Variants in NFATC3 observed in about 807,000 individuals in gnomAD.
The protein encoded by NFATC3 is nuclear factor of activated T-cells, cytoplasmic 3.
In NFATC3, 46 loss-of-function variants were observed where a neutral mutation model predicts 98.6. The ratio of observed to expected loss-of-function variants is 0.47; its 90% confidence interval spans 0.37 to 0.60. The LOEUF (loss-of-function observed/expected upper bound fraction) is 0.60. Among genes scored for constraint, NFATC3 ranks in the 20% least tolerant of loss-of-function variants. The pLI, the probability that NFATC3 is intolerant of heterozygous loss-of-function variation, is 0.00. For missense variants in NFATC3, 1,256 were observed against 1,295.5 expected, an observed-to-expected ratio of 0.97 and a Z score of 0.47; for synonymous variants, 512 against 472.2, an observed-to-expected ratio of 1.08 and a Z score of -1.09.
intron 1 of NFATC3, among the ~76,000 whole-genome samples, chr16:68,113,342 C>T (rs746411324): frequency 6.6e-6 from 1 of 152,154 alleles, no homozygotes; most frequent in East Asian, 1.9e-4. Flanking sequence ...GGCCCCTCTT[C>T]CATAGGGTAG....
intron 9 of NFATC3, among the ~76,000 whole-genome samples, chr16:68,198,058 G>A (rs142682141): frequency 5.6e-4 from 85 of 152,224 alleles, no homozygotes; most frequent in East Asian, 2.7e-3. Context: ...GGTGGCTCAC[G>A]CTTGTAGTCC....
intron 9 of NFATC3, chr16:68,214,471 A>G (rs370297399): frequency 1.3e-6 from 2 of 1,576,292 alleles, no homozygotes; most frequent in African/African-American, 2.7e-5. Context: ...TTTTGTGCCC[A>G]AGTCTGGTAT....
In NFATC3 at chr16:68,228,168, T is replaced by G. The variant is rs1264828903; in HGVS notation, c.*1697T>G. On this transcript the variant is annotated 3_prime_UTR_variant, in exon 10 of 10. Transcript: ENST00000346183. ...CAAAATATATTTTAGATTTCTCCCCTAAAGTTAGTTAGAGAAAAAGGTCTA... is the reference window on the plus strand; with the variant it reads ...CAAAATATATTTTAGATTTCTCCCCGAAAGTTAGTTAGAGAAAAAGGTCTA... 1 of 152,212 alleles carries G rather than the reference T, an allele frequency of 6.6e-6. No homozygotes were observed. Among genetic ancestry groups the G allele is most frequent in the Non-Finnish European group, 1.5e-5 (1 of 68,036 alleles). The allele number at this position is 152,212 out of a possible 1,614,324, so 9.4% of individuals were successfully genotyped here.
intron 9 of NFATC3, among the ~76,000 whole-genome samples, chr16:68,203,940 C>T (rs2041033373): frequency 1.3e-5 from 2 of 152,104 alleles, no homozygotes; most frequent in Admixed American, 1.3e-4. Flanking sequence ...GCAATCCCAG[C>T]ACTTTGGGAG....
rs2042074646 is a variant in NFATC3 at position 68,228,297 on chromosome 16, G to A, written c.*1826G>A. ...TGTGGATAGTGAGATTTGCTTCTGG[G>A]CCTGTGGTTGGACGCCCACAGCTTC... On this transcript the variant is annotated 3_prime_UTR_variant, in exon 10 of 10. Coordinates refer to ENST00000346183, the MANE Select transcript of NFATC3 (RefSeq NM_173165.3). 1 of 152,174 alleles carries A rather than the reference G, an allele frequency of 6.6e-6. No homozygotes were observed. Among genetic ancestry groups the A allele is most frequent in the African/African-American group, 2.4e-5 (1 of 41,428 alleles). The allele number at this position is 152,174 out of a possible 1,614,324, so 9.4% of individuals were successfully genotyped here.
intron 9 of NFATC3, among the ~76,000 whole-genome samples, chr16:68,220,483 A>T (rs1450290965): frequency 6.6e-6 from 1 of 151,990 alleles, no homozygotes; most frequent in East Asian, 1.9e-4. Context: ...GGGAAGAAAA[A>T]TGATAAAATT....
chr16:68,183,391 T>C, intron 8 of NFATC3, 25 bp downstream of exon 8: 1 of 1,605,686 alleles, frequency 6.2e-7, no homozygotes, highest in East Asian at 2.2e-5. Context: ...GATGGTTTAC[T>C]ATAGAGCTTT....
chr16:68,088,239 TC>T (rs2034494709), intron 1 of NFATC3, among the ~76,000 whole-genome samples: 2 of 151,092 alleles, frequency 1.3e-5, no homozygotes, highest in South Asian at 4.1e-4. Context: ...GAATGGAAGT[TC>T]CTTGAGGTCG....
In NFATC3 at chr16:68,170,645, A is replaced by ACC. The variant is rs377072350; in HGVS notation, c.1774+3631_1774+3632dup. On this transcript the variant is annotated intron_variant, in intron 5 of 9. Coordinates refer to ENST00000346183, the MANE Select transcript of NFATC3 (RefSeq NM_173165.3). ...GTAGCTGGGATTACAGGTGCCCACC[A>ACC]CCACACACAGCTGATTTTTGTATTT... Among the ~76,000 whole-genome samples, 391 of 151,832 alleles carry ACC rather than the reference A, an allele frequency of 2.6e-3. 3 individuals carry two copies. Among genetic ancestry groups the ACC allele is most frequent in the African/African-American group, 9.0e-3 (372 of 41,456 alleles).
chr16:68,149,604 A>G (rs72790393), intron 3 of NFATC3, among the ~76,000 whole-genome samples: 110 of 152,370 alleles, frequency 7.2e-4, no homozygotes, highest in Non-Finnish European at 1.1e-3. Context: ...ACATTAGGAA[A>G]TAGCAGTATT....
At chr16:68,157,780 T>TA in intron 3 of NFATC3, 89 bp from the exon 4 acceptor site, 1 of 1,003,608 alleles carries the variant, frequency 1.0e-6, no homozygotes, top group Non-Finnish European at 1.5e-6. Context: ...TAGTATATGA[T>TA]AGAGATATAA....
chr16:68,177,141 G>C (rs1598512916), intron 6 of NFATC3, among the ~76,000 whole-genome samples: 1 of 150,302 alleles, frequency 6.7e-6, no homozygotes, highest in South Asian at 2.1e-4. Flanking sequence ...TCTGCCTCCC[G>C]GGTTCAAGTG....
intron 8 of NFATC3, 35 bp from the exon 9 acceptor site, chr16:68,190,733 T>C: frequency 6.4e-7 from 1 of 1,557,430 alleles, no homozygotes; most frequent in Non-Finnish European, 8.7e-7. Context: ...TTATGTATTG[T>C]ATAATAATAT....
At chr16:68,108,887 G>C (rs2035802659) in intron 1 of NFATC3, among the ~76,000 whole-genome samples, 1 of 152,042 alleles carries the variant, frequency 6.6e-6, no homozygotes, top group African/African-American at 2.4e-5. Flanking sequence ...GTCTCTTGTT[G>C]GCGTAAAGGA....
intron 3 of NFATC3, among the ~76,000 whole-genome samples, chr16:68,148,905 A>G (rs900589315): frequency 6.6e-6 from 1 of 152,170 alleles, no homozygotes; most frequent in Non-Finnish European, 1.5e-5. Context: ...GCTACTCAGG[A>G]GGCTGAGGCA....
chr16:68,141,613 T>G (rs2037755964), intron 3 of NFATC3, among the ~76,000 whole-genome samples: 1 of 152,222 alleles, frequency 6.6e-6, no homozygotes, highest in African/African-American at 2.4e-5. Flanking sequence ...GTATTTCTTC[T>G]TTTGAGAAGT....
intron 1 of NFATC3, 164 bp downstream of exon 1, chr16:68,085,948 A>C (rs569502379): frequency 2.0e-6 from 1 of 511,726 alleles, no homozygotes; most frequent in South Asian, 3.4e-5. Context: ...ATCGCTGAGG[A>C]GGCGTGTGGG....
At chr16:68,087,433 G>A (rs2034445124) in intron 1 of NFATC3, among the ~76,000 whole-genome samples, 1 of 152,136 alleles carries the variant, frequency 6.6e-6, no homozygotes, top group Admixed American at 6.5e-5. Flanking sequence ...GGTCTAAAAG[G>A]AGTTATCTGT....
At chr16:68,103,387 T>C (rs1049814351) in intron 1 of NFATC3, among the ~76,000 whole-genome samples, 3 of 152,038 alleles carry the variant, frequency 2.0e-5, no homozygotes, top group Admixed American at 6.6e-5. Context: ...TTTTGTATTA[T>C]TTTGTGGAGA....
Sources: allele counts gnomAD v4.1 joint callset (sites outside exome capture counted in the v4.1 genomes callset), GRCh38; gene constraint gnomAD v4.1.1; transcripts MANE v1.5; gene names NCBI Gene and HGNC (gene_info 2026-07-23, HGNC 2026-07-21).